The following MOCOS variants were observed in gnomAD, a reference collection of about 807,000 sequenced individuals.
MOCOS encodes the protein molybdenum cofactor sulfurase.
A neutral mutation model predicts 83.6 loss-of-function variants in MOCOS; 86 were observed. The observed-to-expected ratio is 1.03, with a 90% CI of 0.86 to 1.23. The LOEUF (loss-of-function observed/expected upper bound fraction) is 1.23, where lower values mean the gene tolerates loss of function less well. MOCOS is among the 50% of genes most tolerant of loss of function. The probability of loss-of-function intolerance (pLI) is 0.00; values close to 1 mark genes in which losing one functional copy is unlikely to be tolerated. For synonymous variants in MOCOS, 445 were observed against 434.7 expected (o/e 1.02, Z -0.29); for missense variants, 1,120 against 1,126.9 (o/e 0.99, Z 0.09).
At chr18:36,225,302 C>A (rs891843860) in intron 9 of MOCOS, among the ~76,000 whole-genome samples, 25 of 152,196 alleles carry the variant, frequency 1.6e-4, no homozygotes, top group African/African-American at 5.8e-4. Flanking sequence ...CAGGTGCGCA[C>A]CACCATGCCC....
At chr18:36,200,374 T>C in intron 4 of MOCOS, 50 bp downstream of exon 4, 1 of 1,606,204 alleles carries the variant, frequency 6.2e-7, no homozygotes, top group Non-Finnish European at 8.5e-7. Context: ...AGGTGGGGTC[T>C]GGCCTGTTTC....
intron 5 of MOCOS, among the ~76,000 whole-genome samples, chr18:36,203,661 AC>A (rs1325283054): frequency 6.6e-6 from 1 of 152,238 alleles, no homozygotes; most frequent in Non-Finnish European, 1.5e-5. Context: ...CTGATGCCTA[AC>A]CATGAGCACC....
chr18:36,252,938 A>G (rs2091627381), intron 11 of MOCOS, among the ~76,000 whole-genome samples: 3 of 152,112 alleles, frequency 2.0e-5, no homozygotes, highest in African/African-American at 7.2e-5. Context: ...AGAAAAGGGG[A>G]ATAGATTTAT....
chr18:36,189,966 G>C (rs910494128), intron 1 of MOCOS: 6 of 152,210 alleles, frequency 3.9e-5, no homozygotes, highest in Non-Finnish European at 8.8e-5. Context: ...GATTGACTTG[G>C]ATTTTGTACT....
At chr18:36,254,807 A>C (rs1015936406) in intron 11 of MOCOS, among the ~76,000 whole-genome samples, 1 of 152,128 alleles carries the variant, frequency 6.6e-6, no homozygotes, top group Non-Finnish European at 1.5e-5. Context: ...ATATAAATTG[A>C]CATGGATAAA....
At chr18:36,217,522 G>A (rs1050491188) in intron 8 of MOCOS, among the ~76,000 whole-genome samples, 7 of 151,990 alleles carry the variant, frequency 4.6e-5, no homozygotes, top group African/African-American at 1.7e-4. Context: ...CTTTGCCTTT[G>A]TCCACACCCT....
In MOCOS at chr18:36,268,911, C is replaced by A. The variant is rs2091690734; in HGVS notation, c.*226C>A. 3.5e-6 allele frequency: 2 copies of A among 567,996 alleles called. No homozygotes were observed. Among genetic ancestry groups the A allele is most frequent in the East Asian group, 3.0e-5 (1 of 33,672 alleles). The allele number at this position is 567,996 out of a possible 1,614,324, so 35.2% of individuals were successfully genotyped here. On this transcript the variant is annotated 3_prime_UTR_variant, in exon 15 of 15. Transcript: ENST00000261326. Reference sequence around the variant, plus strand: ...TGAGGCCTCAGGAACGAATGCTGCACCCACATCCAGTGAGGCTCCTGTAGG... The same window carrying A: ...TGAGGCCTCAGGAACGAATGCTGCAACCACATCCAGTGAGGCTCCTGTAGG...
intron 11 of MOCOS, 144 bp from the exon 12 acceptor site, chr18:36,256,824 G>A (rs2144147340): frequency 1.3e-6 from 1 of 756,516 alleles, no homozygotes; most frequent in East Asian, 2.5e-5. Flanking sequence ...CCATGCTTAG[G>A]ACATTTTTAT....
chr18:36,191,159 T>G (rs1307386747), intron 1 of MOCOS, among the ~76,000 whole-genome samples: 2 of 152,140 alleles, frequency 1.3e-5, no homozygotes, highest in African/African-American at 4.8e-5. Flanking sequence ...TTGTAAAGTT[T>G]CCTGAGGCCT....
intron 1 of MOCOS, among the ~76,000 whole-genome samples, chr18:36,189,162 TAG>T (rs1049405251): frequency 9.2e-5 from 14 of 152,130 alleles, no homozygotes; most frequent in Non-Finnish European, 2.9e-5. Context: ...CCTGGGAAAG[TAG>T]AGCTATGTTC....
In MOCOS at chr18:36,268,546, T is replaced by C. The variant is rs77657002; in HGVS notation, c.2528T>C (p.Met843Thr). 157 of 1,614,216 alleles carry C rather than the reference T, an allele frequency of 9.7e-5. No homozygotes were observed. Among genetic ancestry groups the C allele is most frequent in the Non-Finnish European group, 1.3e-4 (150 of 1,180,042 alleles). ...ESRETKVNFGMYLMHASLDLS... is the reference protein window; with the variant it reads ...ESRETKVNFGTYLMHASLDLS... ...TTTTGTTCACAGGTGAACTTTGGCA[T>C]GTACCTGATGCATGCATCATTGGAT... is the stretch of plus-strand genomic sequence containing the variant. Residue 843 changes from methionine to threonine, a missense_variant, in exon 15 of 15, where the codon ATG becomes ACG. By Grantham distance (81) the Met-to-Thr change is moderately conservative. Transcript: ENST00000261326.
chr18:36,246,284 G>T (rs1035382782), intron 9 of MOCOS, among the ~76,000 whole-genome samples: 1 of 152,168 alleles, frequency 6.6e-6, no homozygotes, highest in African/African-American at 2.4e-5. Context: ...GGACTCAAGG[G>T]CTGCTATTCA....
chr18:36,222,603 TA>T (rs2091500481), intron 9 of MOCOS, among the ~76,000 whole-genome samples: 2 of 138,428 alleles, frequency 1.4e-5, no homozygotes, highest in East Asian at 4.8e-4. Context: ...TTTAATTTTT[TA>T]ATTTTTTTTT....
At chr18:36,188,003 C>T (rs754060024) in intron 1 of MOCOS, among the ~76,000 whole-genome samples, 21 of 152,180 alleles carry the variant, frequency 1.4e-4, no homozygotes, top group Non-Finnish European at 2.1e-4. Flanking sequence ...CTGTAAAGGG[C>T]CTGCTGGGGC....
intron 6 of MOCOS, among the ~76,000 whole-genome samples, chr18:36,208,562 T>A: frequency 6.6e-6 from 1 of 152,190 alleles, no homozygotes; most frequent in South Asian, 2.1e-4. Flanking sequence ...CTATTGTAAA[T>A]GGGATTGCAT....
intron 9 of MOCOS, among the ~76,000 whole-genome samples, chr18:36,242,193 A>G (rs1168517581): frequency 3.3e-5 from 5 of 152,146 alleles, no homozygotes; most frequent in Non-Finnish European, 7.3e-5. Context: ...CCCCTTTTAA[A>G]TATAAGTTCC....
chr18:36,198,381 AG>A (rs2091398326), intron 2 of MOCOS, among the ~76,000 whole-genome samples: 1 of 152,236 alleles, frequency 6.6e-6, no homozygotes, highest in South Asian at 2.1e-4. Flanking sequence ...GGAGCAAGAC[AG>A]AACAAAAAAC....
intron 9 of MOCOS, among the ~76,000 whole-genome samples, chr18:36,243,287 C>G (rs567397768): frequency 6.6e-6 from 1 of 152,178 alleles, no homozygotes; most frequent in East Asian, 1.9e-4. Context: ...TCTGATTGCT[C>G]TGGCTACAAC....
In MOCOS at chr18:36,187,512, G is replaced by A. The variant is rs534488786; in HGVS notation, c.-28G>A. On this transcript the variant is annotated 5_prime_UTR_variant, in exon 1 of 15. Transcript: ENST00000261326. ...CCGGCTTCGCGCACTTCCCGGGCCC[G>A]GCCGGCCTGGATGGACTAGCCGGGG... 5.0e-5 allele frequency: 62 copies of A among 1,229,132 alleles called. 2 individuals are homozygous for A. The South Asian group carries it at 2.2e-3, about 43-fold the overall frequency. The allele number at this position is 1,229,132 out of a possible 1,614,324, so 76.1% of individuals were successfully genotyped here. A position where few individuals can be genotyped will look rare whatever the true frequency, so the allele number is the denominator to read the frequency against.
Sources: allele counts gnomAD v4.1 joint callset (sites outside exome capture counted in the v4.1 genomes callset), GRCh38; gene constraint gnomAD v4.1.1; transcripts MANE v1.5; gene names NCBI Gene and HGNC (gene_info 2026-07-23, HGNC 2026-07-21).